Variants in PTGR2 observed in about 807,000 individuals in gnomAD.
The protein encoded by PTGR2 is 15-oxoprostaglandin 13-reductase.
In PTGR2, 32 loss-of-function variants were observed where a neutral mutation model predicts 43.4. That is an observed-to-expected ratio of 0.74 (90% CI 0.56 to 0.99). The LOEUF (loss-of-function observed/expected upper bound fraction) is 0.99. Ranked by LOEUF, PTGR2 falls within the 50% of genes least tolerant of loss-of-function variation. The probability of loss-of-function intolerance (pLI) is 0.00; values close to 1 mark genes in which losing one functional copy is unlikely to be tolerated. For synonymous variants in PTGR2, 106 were observed against 139.2 expected, an observed-to-expected ratio of 0.76 and a Z score of 1.68; for missense variants, 373 against 420.0, an observed-to-expected ratio of 0.89 and a Z score of 0.98.
chr14:73,852,196 A>G (rs2054242932), intron 1 of PTGR2: 1 of 152,120 alleles, frequency 6.6e-6, no homozygotes, highest in Non-Finnish European at 1.5e-5. Flanking sequence ...GGTGCCTCTG[A>G]AACTTTCATT....
At chr14:73,881,122 T>G in intron 7 of PTGR2, 83 bp from the exon 8 acceptor site, 1 of 812,704 alleles carries the variant, frequency 1.2e-6, no homozygotes, top group Non-Finnish European at 2.1e-6. Context: ...GATTAACAGA[T>G]ATTAGAATTC....
intron 8 of PTGR2, among the ~76,000 whole-genome samples, chr14:73,881,772 C>CTTTTTTT (rs57377878): frequency 1.3e-4 from 9 of 69,262 alleles, no homozygotes; most frequent in East Asian, 6.0e-4. Flanking sequence ...CTAGGCTATT[C>CTTTTTTT]TTTTTTTTTT....
intron 1 of PTGR2, among the ~76,000 whole-genome samples, chr14:73,857,664 GTTTTTTTTTT>G (rs1213963564): frequency 1.5e-5 from 1 of 64,698 alleles, no homozygotes; most frequent in African/African-American, 6.2e-5. Flanking sequence ...AGCAGTTAGT[GTTTTTTTTTT>G]TTTTTTTTTT....
At chr14:73,878,572 G>A in intron 5 of PTGR2, 2 of 366,186 alleles carry the variant, frequency 5.5e-6, no homozygotes, top group South Asian at 2.3e-5. Flanking sequence ...CGAGATGCTG[G>A]GCAGCGGCAA....
chr14:73,863,623 T>A, intron 3 of PTGR2, among the ~76,000 whole-genome samples: 2 of 152,010 alleles, frequency 1.3e-5, no homozygotes, highest in Non-Finnish European at 2.9e-5. Context: ...GGCTCTCTTT[T>A]TTTTTTTTTG....
At chr14:73,867,200 G>C (rs1236076978) in intron 3 of PTGR2, among the ~76,000 whole-genome samples, 1 of 151,856 alleles carries the variant, frequency 6.6e-6, no homozygotes, top group African/African-American at 2.4e-5. Context: ...CAGAGTTCCT[G>C]GTTCTCAGGC....
rs1279617106 is a variant in PTGR2 at position 73,882,433 on chromosome 14, TG to T, written c.977del (p.Gly326GlufsTer7). On this transcript the variant is annotated frameshift_variant, in exon 9 of 10. Coordinates refer to ENST00000555661, the MANE Select transcript of PTGR2 (RefSeq NM_001146154.2). ...KETVINGLEN[M>X]GAAFQSMMTG... ...ACGGTAATAAATGGGTTGGAAAACA[TG>T]GGAGGTAAGATGAATGTAGACTTAT... 4 of 1,570,240 alleles carry T rather than the reference TG, an allele frequency of 2.5e-6. No individual in the cohort carries two copies. The highest frequency in any genetic ancestry group is 3.5e-6 in the Non-Finnish European group (4 of 1,140,864).
At chr14:73,876,800 G>C (rs1452199800) in intron 4 of PTGR2, among the ~76,000 whole-genome samples, 198 bp from the exon 5 acceptor site, 1 of 151,918 alleles carries the variant, frequency 6.6e-6, no homozygotes, top group African/African-American at 2.4e-5. Context: ...TGTTGGACTA[G>C]GACCCCACCT....
chr14:73,879,227 C>A lies in PTGR2; in HGVS notation c.651C>A (p.Leu217=). The A allele has an allele frequency of 6.2e-7, 1 of 1,614,064 alleles. No homozygotes were observed. Among genetic ancestry groups the A allele is most frequent in the East Asian group, 2.2e-5 (1 of 44,870 alleles). Reference sequence around the variant, plus strand: ...AAAAAGACAATGTGGCAGAACAGCTCCGTGAATCATGCCCAGCTGGAGTGG... The same window carrying A: ...AAAAAGACAATGTGGCAGAACAGCTACGTGAATCATGCCCAGCTGGAGTGG... ...NYKKDNVAEQ[L]RESCPAGVDV... is the part of the protein sequence containing the mutation. Residue 217 remains leucine, a synonymous_variant, in exon 6 of 10, where the codon CTC becomes CTA. Coordinates refer to ENST00000555661, the MANE Select transcript of PTGR2 (RefSeq NM_001146154.2).
chr14:73,875,820 C>CATT (rs2054849375), intron 4 of PTGR2, among the ~76,000 whole-genome samples: 1 of 94,376 alleles, frequency 1.1e-5, no homozygotes, highest in African/African-American at 4.0e-5. Flanking sequence ...TTAAAAGTTT[C>CATT]TTTTTTTTTT....
chr14:73,880,236 T>C (rs1555351517), intron 7 of PTGR2, 60 bp downstream of exon 7: 2 of 1,582,124 alleles, frequency 1.3e-6, no homozygotes, highest in Admixed American at 1.7e-5. Context: ...ATCATAGATG[T>C]GTATGAAATC....
In PTGR2 at chr14:73,858,800, A is replaced by AT; in HGVS notation, c.-47-9dup. 2.3e-6 allele frequency: 3 copies of AT among 1,328,738 alleles called. No homozygotes were observed. The highest frequency in any genetic ancestry group is 1.4e-5 in the South Asian group (1 of 73,702). The allele number at this position is 1,328,738 out of a possible 1,614,324, so 82.3% of individuals were successfully genotyped here. On this transcript the variant is annotated splice_polypyrimidine_tract_variant and intron_variant, in intron 1 of 9. Coordinates refer to ENST00000555661, the MANE Select transcript of PTGR2 (RefSeq NM_001146154.2). Reference sequence around the variant, plus strand: ...ATACTTCAAATCTTGTGATTTAAAAATTTTTTTATTTATAGGAGTATTTTA... The same window carrying AT: ...ATACTTCAAATCTTGTGATTTAAAAATTTTTTTTATTTATAGGAGTATTTTA...
chr14:73,865,789 C>G (rs2054585428), intron 3 of PTGR2, among the ~76,000 whole-genome samples: 1 of 151,850 alleles, frequency 6.6e-6, no homozygotes, highest in African/African-American at 2.4e-5. Context: ...GGGACATGAA[C>G]CAGCACTGTT....
intron 5 of PTGR2, 191 bp downstream of exon 5, chr14:73,877,359 G>A (rs1035076731): frequency 6.5e-6 from 3 of 462,072 alleles, no homozygotes; most frequent in Non-Finnish European, 1.2e-5. Flanking sequence ...CCGCCTCCTG[G>A]GTTCAAGAGA....
At chr14:73,880,922 G>A (rs1462339888) in intron 7 of PTGR2, among the ~76,000 whole-genome samples, 4 of 152,032 alleles carry the variant, frequency 2.6e-5, no homozygotes, top group Admixed American at 6.6e-5. Flanking sequence ...TCAGCCTCCC[G>A]AGTAGCTGGG....
intron 5 of PTGR2, chr14:73,878,449 T>G (rs188070069): frequency 2.9e-3 from 439 of 152,988 alleles, no homozygotes; most frequent in South Asian, 0.012. Context: ...CCCCAACTTA[T>G]GATGGTTCTA....
At chr14:73,877,205 T>C (rs1304005599) in intron 5 of PTGR2, 37 bp downstream of exon 5, 2 of 1,541,766 alleles carry the variant, frequency 1.3e-6, no homozygotes, top group Non-Finnish European at 8.9e-7. Flanking sequence ...TTCTGATTAT[T>C]TGACGATTGT....
intron 1 of PTGR2, among the ~76,000 whole-genome samples, chr14:73,854,748 T>C (rs2054305445): frequency 6.6e-6 from 1 of 152,222 alleles, no homozygotes; most frequent in Non-Finnish European, 1.5e-5. Context: ...TTAATCCTTA[T>C]ATAATTGACA....
At chr14:73,866,176 T>C (rs1313752269) in intron 3 of PTGR2, among the ~76,000 whole-genome samples, 1 of 152,174 alleles carries the variant, frequency 6.6e-6, no homozygotes, top group Non-Finnish European at 1.5e-5. Flanking sequence ...TAATATTTTG[T>C]ATTTTTAGCA....
Sources: allele counts gnomAD v4.1 joint callset (sites outside exome capture counted in the v4.1 genomes callset), GRCh38; gene constraint gnomAD v4.1.1; transcripts MANE v1.5; gene names NCBI Gene and HGNC (gene_info 2026-07-23, HGNC 2026-07-21).